ARMH3: variants seen among roughly 807,000 people sequenced by gnomAD.
The protein encoded by ARMH3 is armadillo-like helical domain-containing protein 3.
A neutral mutation model predicts 99.1 loss-of-function variants in ARMH3; 60 were observed. The observed-to-expected ratio is 0.61, with a 90% CI of 0.49 to 0.75. The LOEUF (loss-of-function observed/expected upper bound fraction) is 0.75, where lower values mean the gene tolerates loss of function less well. Among genes scored for constraint, ARMH3 ranks in the 30% least tolerant of loss-of-function variants. ARMH3 has a pLI of 0.00. For missense variants in ARMH3, 679 were observed against 843.1 expected, an observed-to-expected ratio of 0.81 and a Z score of 2.41; for synonymous variants, 285 against 292.8, an observed-to-expected ratio of 0.97 and a Z score of 0.27.
Position 102,029,622 on chromosome 10 carries a change from G to T in ARMH3, c.414+16C>A, listed in dbSNP as rs539553459. 4.3e-6 allele frequency: 7 copies of T among 1,614,196 alleles called. No individual in the cohort carries two copies. The South Asian group carries it at 7.7e-5, about 18-fold the overall frequency. The stretch of plus-strand genomic sequence containing the variant: ...GAAGCTGCCATCCACAGGCACATCT[G>T]CAGCTTATGCCTCACCTTCATGCAC... On this transcript the variant is annotated intron_variant, in intron 5 of 25. Transcript: ENST00000370033.
intron 24 of ARMH3, among the ~76,000 whole-genome samples, chr10:101,852,709 A>T (rs2066632258): frequency 6.6e-6 from 1 of 151,778 alleles, no homozygotes; most frequent in Admixed American, 6.6e-5. Flanking sequence ...AGCTGTGATC[A>T]CGCCACTGCA....
intron 22 of ARMH3, among the ~76,000 whole-genome samples, chr10:101,942,354 C>G (rs965396494): frequency 6.6e-6 from 1 of 152,128 alleles, no homozygotes; most frequent in Non-Finnish European, 1.5e-5. Flanking sequence ...ACAGTGAAAA[C>G]AGTGGTAGTA....
At chr10:102,024,046 G>A (rs1420979749) in intron 6 of ARMH3, among the ~76,000 whole-genome samples, 2 of 152,164 alleles carry the variant, frequency 1.3e-5, no homozygotes, top group Non-Finnish European at 2.9e-5. Context: ...CACAGGAGGA[G>A]GTTTATGAAT....
In ARMH3 at chr10:102,007,725, C is replaced by T. The variant is rs544650717; in HGVS notation, c.955-1092G>A. 2.8e-3 allele frequency among the ~76,000 whole-genome samples: 403 copies of T among 142,298 alleles called. 1 individual carries two copies. The highest frequency in any genetic ancestry group is 3.9e-3 in the Middle Eastern group (1 of 258). The allele number at this position is 142,298 out of a possible 152,430, so 93.4% of individuals were successfully genotyped here. ...GCAGGCACCTGTAGTCCCAGCTACT[C>T]GGGAGGCTGAGGCAGGAGAATGGCG... On this transcript the variant is annotated intron_variant, in intron 13 of 25. Coordinates refer to ENST00000370033, the MANE Select transcript of ARMH3 (RefSeq NM_024541.3).
intron 19 of ARMH3, among the ~76,000 whole-genome samples, chr10:101,987,117 A>T (rs2135985600): frequency 6.6e-6 from 1 of 152,240 alleles, no homozygotes; most frequent in Admixed American, 6.5e-5. Flanking sequence ...ATGAACATAC[A>T]ATCTTATCAT....
At chr10:102,017,619 G>A (rs1207350229) in intron 8 of ARMH3, among the ~76,000 whole-genome samples, 1 of 152,118 alleles carries the variant, frequency 6.6e-6, no homozygotes, top group African/African-American at 2.4e-5. Flanking sequence ...TTTTTCCACA[G>A]CTATTTTTCT....
chr10:101,969,582 G>A (rs945348991), intron 20 of ARMH3, among the ~76,000 whole-genome samples: 1 of 152,342 alleles, frequency 6.6e-6, no homozygotes, highest in South Asian at 2.1e-4. Flanking sequence ...AGAGCCAGCT[G>A]GATCCAGAAC....
chr10:102,013,625 G>A (rs1467571493), intron 9 of ARMH3, among the ~76,000 whole-genome samples: 2 of 152,156 alleles, frequency 1.3e-5, no homozygotes, highest in South Asian at 2.1e-4. Context: ...AGTTCTAAAA[G>A]AAGGAATCTC....
intron 17 of ARMH3, among the ~76,000 whole-genome samples, chr10:101,992,935 A>C (rs570622432): frequency 6.6e-6 from 1 of 152,218 alleles, no homozygotes; most frequent in South Asian, 2.1e-4. Context: ...TTTGAAAACA[A>C]AAGGCTTAGA....
chr10:101,882,700 A>C (rs973239673), intron 24 of ARMH3, among the ~76,000 whole-genome samples: 1 of 152,114 alleles, frequency 6.6e-6, no homozygotes, highest in Non-Finnish European at 1.5e-5. Context: ...GGGTTTCAAC[A>C]TGTTGGCCAG....
chr10:101,888,326 G>A (rs1167549507), intron 24 of ARMH3, among the ~76,000 whole-genome samples: 1 of 152,166 alleles, frequency 6.6e-6, no homozygotes, highest in Non-Finnish European at 1.5e-5. Flanking sequence ...ATTTATAAAA[G>A]CAGTTTTAAA....
In ARMH3 at chr10:102,023,704, T is replaced by C; in HGVS notation, c.553A>G (p.Ile185Val). Residue 185 changes from isoleucine (I) to valine (V), a missense_variant, in exon 7 of 26, where the codon ATC becomes GTC. Ile to Val is a conservative substitution (Grantham distance 29). Around this residue, in one of 3 missense-constraint regions of ARMH3, gnomAD observed 280 missense variants for 354.6 expected, o/e 0.79. Transcript: ENST00000370033. ...SQNTILEYVM[I>V]NSIFEAILQI... ...AAAATTGCTTCAAATATGCTGTTGA[T>C]CATTACATACTCGAGAATAGTGTTC... 6.2e-7 allele frequency: 1 copy of C among 1,614,188 alleles called. No individual in the cohort carries two copies.
intron 24 of ARMH3, among the ~76,000 whole-genome samples, chr10:101,870,307 TCAAGAA>T (rs1217206961): frequency 1.3e-5 from 2 of 152,174 alleles, no homozygotes; most frequent in Non-Finnish European, 2.9e-5. Context: ...TAAAACTGGT[TCAAGAA>T]CAAGTAGTAA....
At chr10:101,897,008 A>AG (rs1434875235) in intron 23 of ARMH3, among the ~76,000 whole-genome samples, 9 of 152,146 alleles carry the variant, frequency 5.9e-5, no homozygotes, top group African/African-American at 1.9e-4. Context: ...TAGGATGTTG[A>AG]GGGGGGTGGC....
chr10:101,896,261 AAACAAT>A lies in ARMH3; in HGVS notation c.1782-6777_1782-6772del, dbSNP rs1357744571. ...AAACAAACAAACAAACAAACAAACAAAACAATAACAAGTGTTGGCAAGGATGTGGAG... is the reference window on the plus strand; with the variant it reads ...AAACAAACAAACAAACAAACAAACAAAACAAGTGTTGGCAAGGATGTGGAG... On this transcript the variant is annotated intron_variant, in intron 23 of 25. Transcript: ENST00000370033. 2.0e-5 allele frequency among the ~76,000 whole-genome samples: 3 copies of A among 152,000 alleles called. No homozygotes were observed. The East Asian group carries it at 5.8e-4, about 29-fold the overall frequency.
chr10:101,908,957 CT>C (rs1366258563), intron 23 of ARMH3, among the ~76,000 whole-genome samples: 6 of 152,022 alleles, frequency 3.9e-5, no homozygotes, highest in Admixed American at 6.5e-5. Context: ...GCCACCACCC[CT>C]GGCCCTACTA....
chr10:101,907,336 T>A (rs572430701), intron 23 of ARMH3, among the ~76,000 whole-genome samples: 1 of 152,058 alleles, frequency 6.6e-6, no homozygotes, highest in African/African-American at 2.4e-5. Flanking sequence ...TTCAACAAAG[T>A]GTGAATAGAA....
At chr10:101,854,449 G>C (rs1041008483) in intron 24 of ARMH3, among the ~76,000 whole-genome samples, 9 of 152,160 alleles carry the variant, frequency 5.9e-5, no homozygotes, top group Non-Finnish European at 1.5e-5. Context: ...CTGTCCCAAA[G>C]ATTCTATGTG....
chr10:101,994,147 A>G (rs2136022566), intron 16 of ARMH3, among the ~76,000 whole-genome samples: 1 of 152,324 alleles, frequency 6.6e-6, no homozygotes, highest in African/African-American at 2.4e-5. Flanking sequence ...AAAACCTCTT[A>G]CCATGGATTA....
Sources: allele counts gnomAD v4.1 joint callset (sites outside exome capture counted in the v4.1 genomes callset), GRCh38; gene constraint gnomAD v4.1.1; regional missense constraint gnomAD v4.1.1; transcripts MANE v1.5; gene names NCBI Gene and HGNC (gene_info 2026-07-23, HGNC 2026-07-21).